CNTNAP2: variants seen among roughly 807,000 people sequenced by gnomAD.
The protein encoded by CNTNAP2 is contactin-associated protein-like 2.
CNTNAP2 carries 98 observed loss-of-function variants against 155.2 expected under a neutral mutation model. The ratio of observed to expected loss-of-function variants is 0.63; its 90% CI spans 0.54 to 0.75. The LOEUF (loss-of-function observed/expected upper bound fraction) is 0.75, where lower values mean the gene tolerates loss of function less well. Ranked by LOEUF, CNTNAP2 falls within the 30% of genes least tolerant of loss-of-function variation. CNTNAP2 has a pLI of 0.00. For missense variants in CNTNAP2, 1,727 were observed against 1,688.1 expected, an observed-to-expected ratio of 1.02 and a Z score of -0.40; for synonymous variants, 651 against 631.2, an observed-to-expected ratio of 1.03 and a Z score of -0.47.
At chr7:146,960,070 C>T (rs753803487) in intron 3 of CNTNAP2, among the ~76,000 whole-genome samples, 6 of 152,144 alleles carry the variant, frequency 3.9e-5, no homozygotes, top group Non-Finnish European at 7.3e-5. Flanking sequence ...CTTCTCTTCT[C>T]GCCAGTCTTG....
rs553572834 is a variant in CNTNAP2, at chr7:147,902,137, T to G, written c.2099-1428T>G. Reference sequence around the variant, plus strand: ...ACCTTCATTGCGGACTGACCGCAACTTGGCTTCCAGTTTACTAAATAGACT... The same window carrying G: ...ACCTTCATTGCGGACTGACCGCAACGTGGCTTCCAGTTTACTAAATAGACT... On this transcript the variant is annotated intron_variant, in intron 13 of 23. Coordinates refer to ENST00000361727, the MANE Select transcript of CNTNAP2 (RefSeq NM_014141.6). Among the ~76,000 whole-genome samples the G allele has an allele frequency of 4.6e-5, 7 of 152,352 alleles. 1 individual carries two copies. The highest frequency in any genetic ancestry group is 1.7e-4 in the African/African-American group (7 of 41,592).
chr7:147,816,205 T>G (rs1798263826), intron 13 of CNTNAP2, among the ~76,000 whole-genome samples: 1 of 151,962 alleles, frequency 6.6e-6, no homozygotes, highest in African/African-American at 2.4e-5. Context: ...CTTTAGCATC[T>G]CAAGGTTTCT....
chr7:147,212,839 T>C (rs1174994187), intron 8 of CNTNAP2, among the ~76,000 whole-genome samples: 1 of 152,130 alleles, frequency 6.6e-6, no homozygotes, highest in Non-Finnish European at 1.5e-5. Context: ...AGTTCTTAAA[T>C]AGAAAAATGA....
intron 1 of CNTNAP2, among the ~76,000 whole-genome samples, chr7:146,228,128 G>A (rs1469500996): frequency 6.6e-6 from 1 of 152,204 alleles, no homozygotes; most frequent in African/African-American, 2.4e-5. Context: ...CATTTTGAGA[G>A]AGAGAATTCA....
intron 21 of CNTNAP2, among the ~76,000 whole-genome samples, chr7:148,317,914 C>T (rs1797719821): frequency 6.6e-6 from 1 of 152,114 alleles, no homozygotes; most frequent in Admixed American, 6.5e-5. Context: ...ATCTCCTGAC[C>T]TCGTGATCCG....
At chr7:147,950,583 GC>G (rs1156892240) in intron 14 of CNTNAP2, among the ~76,000 whole-genome samples, 1 of 152,078 alleles carries the variant, frequency 6.6e-6, no homozygotes, top group Non-Finnish European at 1.5e-5. Flanking sequence ...TGTGGAAGCT[GC>G]ACAAACACAA....
rs577155069 is a variant in CNTNAP2, at chr7:148,364,750, T to A, written c.3476-18899T>A. ...CACAGGGCTCTACCAATCAGCAGGATGTGGGTGGGGCCAGATAAGAGAATA... is the reference window on the plus strand; with the variant it reads ...CACAGGGCTCTACCAATCAGCAGGAAGTGGGTGGGGCCAGATAAGAGAATA... On this transcript the variant is annotated intron_variant, in intron 21 of 23. Coordinates refer to ENST00000361727, the MANE Select transcript of CNTNAP2 (RefSeq NM_014141.6). 5.9e-3 allele frequency among the ~76,000 whole-genome samples: 904 copies of A among 152,286 alleles called. 6 individuals carry two copies. The highest frequency in any genetic ancestry group is 0.019 in the African/African-American group (803 of 41,562).
intron 15 of CNTNAP2, among the ~76,000 whole-genome samples, chr7:148,087,401 C>A (rs1022431248): frequency 6.6e-6 from 1 of 151,954 alleles, no homozygotes; most frequent in African/African-American, 2.4e-5. Context: ...TTTCATTTAC[C>A]CTTCTTTAAA....
intron 1 of CNTNAP2, among the ~76,000 whole-genome samples, chr7:146,694,438 T>G (rs770042363): frequency 6.6e-6 from 1 of 152,190 alleles, no homozygotes; most frequent in Non-Finnish European, 1.5e-5. Context: ...ATTTCTGGAC[T>G]GTCTATTCTG....
At chr7:148,250,916 C>T (rs897301252) in intron 20 of CNTNAP2, among the ~76,000 whole-genome samples, 1 of 152,194 alleles carries the variant, frequency 6.6e-6, no homozygotes, top group Admixed American at 6.5e-5. Context: ...CACACAATCA[C>T]AGCTCACTGC....
At chr7:147,277,167 G>A (rs1804914283) in intron 8 of CNTNAP2, among the ~76,000 whole-genome samples, 1 of 151,918 alleles carries the variant, frequency 6.6e-6, no homozygotes, top group African/African-American at 2.4e-5. Context: ...TATGGTTTGA[G>A]GATTCACTAA....
At chr7:148,034,763 A>G (rs1802542282) in intron 15 of CNTNAP2, among the ~76,000 whole-genome samples, 1 of 152,232 alleles carries the variant, frequency 6.6e-6, no homozygotes, top group African/African-American at 2.4e-5. Context: ...TGCTATGAAC[A>G]GAACATTTAG....
chr7:147,493,832 G>A (rs1270187771), intron 11 of CNTNAP2, among the ~76,000 whole-genome samples: 1 of 152,160 alleles, frequency 6.6e-6, no homozygotes, highest in Non-Finnish European at 1.5e-5. Flanking sequence ...TAACTTTTCA[G>A]ATTGTATATT....
chr7:148,247,988 G>A (rs527329190), intron 20 of CNTNAP2, among the ~76,000 whole-genome samples: 43 of 151,942 alleles, frequency 2.8e-4, no homozygotes, highest in African/African-American at 9.7e-4. Context: ...AATGTAAATT[G>A]CATGCAATGA....
chr7:147,964,314 C>T (rs1243071010), intron 14 of CNTNAP2, among the ~76,000 whole-genome samples: 3 of 152,156 alleles, frequency 2.0e-5, no homozygotes, highest in African/African-American at 7.2e-5. Flanking sequence ...CATGGTGTCT[C>T]AATACGGCAG....
At chr7:147,198,093 A>G (rs1050482602) in intron 8 of CNTNAP2, among the ~76,000 whole-genome samples, 1 of 152,148 alleles carries the variant, frequency 6.6e-6, no homozygotes, top group Non-Finnish European at 1.5e-5. Context: ...TTATTGATAA[A>G]TCTATTTTAC....
chr7:146,907,443 G>GCC lies in CNTNAP2; in HGVS notation c.402+67540_402+67541insCC. Reference sequence around the variant, plus strand: ...CAAAGGGAAGCCCATCAGACTAACAGCGGATCTCTCGGCAGAAACCCTACA... The same window carrying GCC: ...CAAAGGGAAGCCCATCAGACTAACAGCCCGGATCTCTCGGCAGAAACCCTACA... On this transcript the variant is annotated intron_variant, in intron 3 of 23. Transcript: ENST00000361727. Among the ~76,000 whole-genome samples the GCC allele has an allele frequency of 2.8e-5, 4 of 145,360 alleles. No individual in the cohort carries two copies. The South Asian group carries it at 7.0e-4, about 26-fold the overall frequency.
At chr7:147,510,416 G>A (rs1176736967) in intron 11 of CNTNAP2, among the ~76,000 whole-genome samples, 1 of 152,058 alleles carries the variant, frequency 6.6e-6, no homozygotes, top group East Asian at 1.9e-4. Flanking sequence ...GGAGATCCCT[G>A]CAGAATACAC....
At chr7:146,142,852 T>C (rs892578558) in intron 1 of CNTNAP2, among the ~76,000 whole-genome samples, 6 of 152,246 alleles carry the variant, frequency 3.9e-5, no homozygotes, top group Non-Finnish European at 8.8e-5. Context: ...ATTTGAAATA[T>C]GTATTTATAG....
Sources: allele counts gnomAD v4.1 joint callset (sites outside exome capture counted in the v4.1 genomes callset), GRCh38; gene constraint gnomAD v4.1.1; transcripts MANE v1.5; gene names NCBI Gene and HGNC (gene_info 2026-07-23, HGNC 2026-07-21).